Variants in MYO5B observed in about 807,000 individuals in gnomAD.
The protein encoded by MYO5B is unconventional myosin-Vb.
A neutral mutation model predicts 229.3 loss-of-function variants in MYO5B; 143 were observed. The observed-to-expected ratio is 0.62, with a 90% CI of 0.54 to 0.72. The LOEUF is 0.72. MYO5B is among the 30% of genes least tolerant of loss of function. The probability of loss-of-function intolerance (pLI) is 0.00; values close to 1 mark genes in which losing one functional copy is unlikely to be tolerated. For missense variants in MYO5B, 2,321 were observed against 2,331.0 expected, an observed-to-expected ratio of 1.00 and a Z score of 0.09; for synonymous variants, 918 against 885.2, an observed-to-expected ratio of 1.04 and a Z score of -0.66.
In MYO5B at chr18:49,917,270, A is replaced by T. The variant is rs1182269194; in HGVS notation, c.2091-5097T>A. Among the ~76,000 whole-genome samples, 2 of 152,204 alleles carry T rather than the reference A, an allele frequency of 1.3e-5. 1 individual carries two copies. The highest frequency in any genetic ancestry group is 1.3e-4 in the Admixed American group (2 of 15,286). On this transcript the variant is annotated intron_variant, in intron 17 of 39. Transcript: ENST00000285039. ...GTCCTTATACTCAGTTGCCAATTACAGTTTTAAAAATGGGTATTCTCCTGA... is the reference window on the plus strand; with the variant it reads ...GTCCTTATACTCAGTTGCCAATTACTGTTTTAAAAATGGGTATTCTCCTGA...
chr18:50,107,680 T>C (rs1166923044), intron 1 of MYO5B, among the ~76,000 whole-genome samples: 2 of 152,170 alleles, frequency 1.3e-5, no homozygotes, highest in African/African-American at 4.8e-5. Context: ...GCACTACACA[T>C]CTGTGGAGCA....
At chr18:49,852,352 A>G (rs1366623575) in intron 31 of MYO5B, among the ~76,000 whole-genome samples, 4 of 152,198 alleles carry the variant, frequency 2.6e-5, no homozygotes, top group African/African-American at 7.2e-5. Context: ...TTTCTTTAAC[A>G]TGGTGCATTT....
intron 14 of MYO5B, among the ~76,000 whole-genome samples, chr18:49,938,752 A>G (rs1167155887): frequency 6.6e-6 from 1 of 152,120 alleles, no homozygotes; most frequent in East Asian, 1.9e-4. Flanking sequence ...CACAATGCTC[A>G]CTACTCCTGC....
intron 32 of MYO5B, among the ~76,000 whole-genome samples, chr18:49,849,095 G>C (rs572673600): frequency 2.6e-5 from 4 of 152,210 alleles, no homozygotes; most frequent in African/African-American, 9.6e-5. Flanking sequence ...CAGGGAGTCA[G>C]AGGGAGAGAA....
intron 9 of MYO5B, among the ~76,000 whole-genome samples, chr18:49,979,685 C>T (rs2025793562): frequency 6.6e-6 from 1 of 152,214 alleles, no homozygotes; most frequent in Non-Finnish European, 1.5e-5. Flanking sequence ...AAGAATCATA[C>T]TTTGTACCTC....
At chr18:50,133,246 GT>G (rs2032281932) in intron 1 of MYO5B, among the ~76,000 whole-genome samples, 1 of 140,206 alleles carries the variant, frequency 7.1e-6, no homozygotes, top group Non-Finnish European at 1.6e-5. Flanking sequence ...CACTATTTTT[GT>G]TCTCTGTCTT....
intron 4 of MYO5B, among the ~76,000 whole-genome samples, chr18:50,027,160 C>G (rs2144367231): frequency 6.6e-6 from 1 of 152,304 alleles, no homozygotes; most frequent in Admixed American, 6.5e-5. Context: ...TGCTAGGCTT[C>G]ACATTCTATT....
intron 4 of MYO5B, among the ~76,000 whole-genome samples, chr18:50,015,443 T>G (rs2026206046): frequency 6.6e-6 from 1 of 152,256 alleles, no homozygotes; most frequent in Non-Finnish European, 1.5e-5. Context: ...CTTTAATAAT[T>G]TTATTTCTTG....
At chr18:50,175,381 C>T (rs912804619) in intron 1 of MYO5B, among the ~76,000 whole-genome samples, 1 of 152,238 alleles carries the variant, frequency 6.6e-6, no homozygotes, top group African/African-American at 2.4e-5. Context: ...CCATTGCCTT[C>T]CTACCTCCCA....
At chr18:49,954,005 T>G in intron 13 of MYO5B, among the ~76,000 whole-genome samples, 1 of 140,940 alleles carries the variant, frequency 7.1e-6, no homozygotes. Context: ...CACAGACATA[T>G]ATGTGTGTAT....
chr18:49,867,642 G>A (rs936553116), intron 27 of MYO5B, among the ~76,000 whole-genome samples: 4 of 152,184 alleles, frequency 2.6e-5, no homozygotes, highest in African/African-American at 9.7e-5. Flanking sequence ...CACTCTATGA[G>A]GATGACCACT....
intron 1 of MYO5B, among the ~76,000 whole-genome samples, chr18:50,136,326 G>C (rs547759181): frequency 1.1e-4 from 16 of 151,662 alleles, no homozygotes; most frequent in Non-Finnish European, 2.2e-4. Context: ...GTCTCTGAAA[G>C]GACATCAACT....
chr18:50,190,335 GC>G (rs1348440248), intron 1 of MYO5B, among the ~76,000 whole-genome samples: 1 of 152,150 alleles, frequency 6.6e-6, no homozygotes, highest in African/African-American at 2.4e-5. Flanking sequence ...GCAAAGCAAA[GC>G]CCACATTGTC....
At chr18:50,044,078 T>C (rs1319938932) in intron 2 of MYO5B, among the ~76,000 whole-genome samples, 1 of 152,170 alleles carries the variant, frequency 6.6e-6, no homozygotes, top group Admixed American at 6.5e-5. Context: ...CAAACACACA[T>C]GCAGTTTTGT....
At chr18:49,912,734 G>C (rs2024972201) in intron 17 of MYO5B, among the ~76,000 whole-genome samples, 1 of 152,180 alleles carries the variant, frequency 6.6e-6, no homozygotes, top group African/African-American at 2.4e-5. Context: ...GTGGAACTGT[G>C]AGTCCATTAA....
chr18:50,152,813 A>T (rs1260077938), intron 1 of MYO5B, among the ~76,000 whole-genome samples: 1 of 150,136 alleles, frequency 6.7e-6, no homozygotes, highest in African/African-American at 2.5e-5. Context: ...AAAAACTATG[A>T]TTGTATATTT....
chr18:49,902,848 G>T lies in MYO5B; in HGVS notation c.2572-15C>A. On this transcript the variant is annotated splice_polypyrimidine_tract_variant and intron_variant, in intron 20 of 39. Coordinates refer to ENST00000285039, the MANE Select transcript of MYO5B (RefSeq NM_001080467.3). ...TCCATGAGGACCTGGCGGGAAACAA[G>T]GATACACATCTTGTGGGTTTGCACT... 6.3e-7 allele frequency: 1 copy of T among 1,598,524 alleles called. No homozygotes were observed. Among genetic ancestry groups the T allele is most frequent in the South Asian group, 1.1e-5 (1 of 90,886 alleles).
intron 1 of MYO5B, chr18:50,063,765 T>C (rs936909189): frequency 1.3e-5 from 2 of 152,100 alleles, no homozygotes; most frequent in South Asian, 4.2e-4. Flanking sequence ...CAGAAAAGAG[T>C]CAACTTTCTG....
At chr18:49,874,621 A>G (rs2024495110) in intron 26 of MYO5B, among the ~76,000 whole-genome samples, 1 of 152,242 alleles carries the variant, frequency 6.6e-6, no homozygotes, top group East Asian at 1.9e-4. Flanking sequence ...TGCAAAGGGA[A>G]TACAGGTGTT....
Sources: allele counts gnomAD v4.1 joint callset (sites outside exome capture counted in the v4.1 genomes callset), GRCh38; gene constraint gnomAD v4.1.1; transcripts MANE v1.5; gene names NCBI Gene and HGNC (gene_info 2026-07-23, HGNC 2026-07-21).